CD163L1: variants seen among roughly 807,000 people sequenced by gnomAD.
The protein encoded by CD163L1 is scavenger receptor cysteine-rich type 1 protein M160.
A neutral mutation model predicts 165.4 loss-of-function variants in CD163L1; 124 were observed. The observed-to-expected ratio is 0.75, with a 90% CI of 0.65 to 0.87. The LOEUF (loss-of-function observed/expected upper bound fraction) is 0.87. CD163L1 is among the 40% of genes least tolerant of loss of function. The pLI is 0.00. For missense variants in CD163L1, 1,525 were observed against 1,799.9 expected, an observed-to-expected ratio of 0.85 and a Z score of 2.76; for synonymous variants, 585 against 662.2, an observed-to-expected ratio of 0.88 and a Z score of 1.79.
chr12:7,429,414 G>T (rs1387341771), intron 4 of CD163L1, among the ~76,000 whole-genome samples: 1 of 152,002 alleles, frequency 6.6e-6, no homozygotes, highest in East Asian at 1.9e-4. Context: ...AAGCACTACT[G>T]ATATGCTGAT....
rs1227452896 is a variant in CD163L1 at position 7,376,015 on chromosome 12, C to T, written c.2372-1G>A. 3.1e-6 allele frequency: 5 copies of T among 1,609,632 alleles called. No homozygotes were observed. Among genetic ancestry groups the T allele is most frequent in the Non-Finnish European group, 4.2e-6 (5 of 1,178,046 alleles). Reference sequence around the variant, plus strand: ...CCAACCAGCCTGGGCTGCCTGTGGGCTATAAAATAATATTTCAAAGGTTAG... The same window carrying T: ...CCAACCAGCCTGGGCTGCCTGTGGGTTATAAAATAATATTTCAAAGGTTAG... On this transcript the variant is annotated splice_acceptor_variant, in intron 9 of 19. Coordinates refer to ENST00000313599, the MANE Select transcript of CD163L1 (RefSeq NM_174941.6). LOFTEE classifies it high-confidence loss of function.
At chr12:7,413,180 A>C (rs977135798) in intron 4 of CD163L1, among the ~76,000 whole-genome samples, 1 of 151,700 alleles carries the variant, frequency 6.6e-6, no homozygotes, top group Non-Finnish European at 1.5e-5. Context: ...GATAAGAAGG[A>C]CAGTTTCACT....
At chr12:7,421,077 A>ATATATGTATATATACG (rs1948357640) in intron 4 of CD163L1, among the ~76,000 whole-genome samples, 2 of 103,090 alleles carry the variant, frequency 1.9e-5, no homozygotes, top group African/African-American at 8.8e-5. Flanking sequence ...ATATATACGT[A>ATATATGTATATATACG]TATATATACG....
chr12:7,333,032 G>C, the CD163L1 span, among the ~76,000 whole-genome samples: 1 of 152,064 alleles, frequency 6.6e-6, no homozygotes, highest in Non-Finnish European at 1.5e-5. Context: ...CTGTATTCAG[G>C]AAACCCATCT....
the CD163L1 span, among the ~76,000 whole-genome samples, chr12:7,329,662 G>A: frequency 6.6e-6 from 1 of 151,616 alleles, no homozygotes; most frequent in Non-Finnish European, 1.5e-5. Context: ...AAAACCTAAA[G>A]GGGGAAAAGA....
chr12:7,328,410 G>A, the CD163L1 span: 21 of 1,456,190 alleles, frequency 1.4e-5, no homozygotes, highest in Non-Finnish European at 1.9e-5. Flanking sequence ...CAGTAATATG[G>A]TTGCTTTCTT....
At chr12:7,442,718 T>C (rs1321758258) in intron 1 of CD163L1, among the ~76,000 whole-genome samples, 2 of 152,182 alleles carry the variant, frequency 1.3e-5, no homozygotes, top group Non-Finnish European at 2.9e-5. Context: ...GAATATTTAG[T>C]TCCATCAAAC....
At chr12:7,413,621 A>G (rs896811225) in intron 4 of CD163L1, among the ~76,000 whole-genome samples, 3 of 152,176 alleles carry the variant, frequency 2.0e-5, no homozygotes, top group Non-Finnish European at 4.4e-5. Context: ...GTGAGGTTCC[A>G]TAGATAACTT....
the CD163L1 span, among the ~76,000 whole-genome samples, chr12:7,331,221 G>A: frequency 4.6e-5 from 7 of 152,338 alleles, no homozygotes; most frequent in South Asian, 2.1e-4. Context: ...ACTGCAAGAT[G>A]GCAGCGAGGC....
intron 4 of CD163L1, among the ~76,000 whole-genome samples, chr12:7,409,503 C>T (rs953257445): frequency 6.6e-6 from 1 of 152,118 alleles, no homozygotes. Flanking sequence ...CTAGATCCCC[C>T]AAATGCACAG....
At chr12:7,328,519 C>A in the CD163L1 span, 5 of 527,716 alleles carry the variant, frequency 9.5e-6, no homozygotes, top group South Asian at 6.3e-5. Context: ...TTTTACTTAG[C>A]TAAAAAGTTT....
intron 8 of CD163L1, among the ~76,000 whole-genome samples, chr12:7,386,617 A>AC (rs1947524313): frequency 6.6e-6 from 1 of 151,680 alleles, no homozygotes; most frequent in African/African-American, 2.4e-5. Flanking sequence ...AAAAAAAAAA[A>AC]AAAACAGTAT....
intron 1 of CD163L1, among the ~76,000 whole-genome samples, chr12:7,442,284 C>T (rs1241021818): frequency 1.3e-5 from 2 of 151,926 alleles, no homozygotes; most frequent in Non-Finnish European, 2.9e-5. Flanking sequence ...TCCCAGACAA[C>T]AAAAAACAAA....
the CD163L1 span, among the ~76,000 whole-genome samples, chr12:7,331,731 T>C: frequency 3.3e-5 from 5 of 152,248 alleles, no homozygotes; most frequent in South Asian, 1.0e-3. Context: ...TCCTGACTGT[T>C]AGAAGGAAAA....
intron 8 of CD163L1, among the ~76,000 whole-genome samples, chr12:7,394,168 G>C (rs1947722646): frequency 6.6e-6 from 1 of 151,064 alleles, no homozygotes; most frequent in Admixed American, 6.6e-5. Flanking sequence ...CAAAGCTAGA[G>C]GCATCATGCT....
At chr12:7,322,273 G>A in the CD163L1 span, 5 of 1,101,976 alleles carry the variant, frequency 4.5e-6, no homozygotes, top group Non-Finnish European at 5.3e-6. Flanking sequence ...CAATATAGCA[G>A]GTGTTCAACA....
At chr12:7,360,397 C>T (rs1224142411) in intron 18 of CD163L1, among the ~76,000 whole-genome samples, 4 of 152,158 alleles carry the variant, frequency 2.6e-5, no homozygotes, top group African/African-American at 9.7e-5. Context: ...CCCACCTCGG[C>T]TTCCCAAAGT....
intron 18 of CD163L1, among the ~76,000 whole-genome samples, chr12:7,358,868 T>A (rs1946832132): frequency 6.6e-6 from 1 of 151,908 alleles, no homozygotes; most frequent in Non-Finnish European, 1.5e-5. Context: ...TGCAAGAACA[T>A]ATGAGCAATG....
chr12:7,371,943 A>G (rs984287573), intron 14 of CD163L1, among the ~76,000 whole-genome samples: 1 of 152,026 alleles, frequency 6.6e-6, no homozygotes, highest in Non-Finnish European at 1.5e-5. Flanking sequence ...TATATCATCA[A>G]CTGATCATGG....
Sources: allele counts gnomAD v4.1 joint callset (sites outside exome capture counted in the v4.1 genomes callset), GRCh38; gene constraint gnomAD v4.1.1; transcripts MANE v1.5; gene names NCBI Gene and HGNC (gene_info 2026-07-23, HGNC 2026-07-21).